CREB5: variants seen among roughly 807,000 people sequenced by gnomAD.
CREB5 encodes cAMP responsive element binding protein 5.
CREB5 carries 19 observed loss-of-function variants against 57.1 expected under a neutral mutation model. That is an observed-to-expected ratio of 0.33 (90% CI 0.23 to 0.49). The LOEUF (loss-of-function observed/expected upper bound fraction) is 0.49, where lower values mean the gene tolerates loss of function less well. Among genes scored for constraint, CREB5 ranks in the 20% least tolerant of loss-of-function variants. The pLI, the probability that CREB5 is intolerant of heterozygous loss-of-function variation, is 0.99. For missense variants in CREB5, 579 were observed against 671.6 expected (o/e 0.86, Z 1.52); for synonymous variants, 238 against 238.3 (o/e 1.00, Z 0.01).
chr7:28,560,929 C>CGTGCGCGT (rs1562797931), intron 4 of CREB5, among the ~76,000 whole-genome samples: 16 of 30,432 alleles, frequency 5.3e-4, no homozygotes, highest in African/African-American at 1.4e-3. Context: ...TGTGCGCGTG[C>CGTGCGCGT]GTGTGTGCGT....
chr7:28,607,726 C>G (rs566650120), intron 5 of CREB5, among the ~76,000 whole-genome samples: 209 of 147,868 alleles, frequency 1.4e-3, no homozygotes, highest in Middle Eastern at 0.011. Context: ...AAGACCAGTG[C>G]CCACAGGGCT....
intron 4 of CREB5, among the ~76,000 whole-genome samples, chr7:28,533,243 G>A (rs771184513): frequency 3.3e-5 from 5 of 152,086 alleles, no homozygotes; most frequent in African/African-American, 4.8e-5. Flanking sequence ...TTAAGGAAAC[G>A]GGAAGTCAAA....
chr7:28,675,373 A>G (rs533000576), intron 5 of CREB5, among the ~76,000 whole-genome samples: 14 of 152,342 alleles, frequency 9.2e-5, no homozygotes, highest in Non-Finnish European at 2.9e-5. Flanking sequence ...AGCCCCCAGC[A>G]TCTTTTGTCC....
At chr7:28,533,389 G>T (rs1163304422) in intron 4 of CREB5, among the ~76,000 whole-genome samples, 1 of 152,158 alleles carries the variant, frequency 6.6e-6, no homozygotes. Context: ...CGCATAACTT[G>T]TTCCGGGCCA....
chr7:28,692,025 A>AAC (rs1554286558), intron 5 of CREB5, among the ~76,000 whole-genome samples: 56 of 151,082 alleles, frequency 3.7e-4, no homozygotes, highest in African/African-American at 1.4e-3. Context: ...AAAAAAAAAA[A>AAC]AAAACAACAA....
chr7:28,497,937 T>C (rs1209885304), intron 3 of CREB5, among the ~76,000 whole-genome samples: 1 of 152,244 alleles, frequency 6.6e-6, no homozygotes, highest in Non-Finnish European at 1.5e-5. Context: ...GAGAATACTT[T>C]TATTAAAACT....
chr7:28,368,587 C>G (rs1331979582), intron 1 of CREB5, among the ~76,000 whole-genome samples: 1 of 152,156 alleles, frequency 6.6e-6, no homozygotes, highest in Non-Finnish European at 1.5e-5. Context: ...GGGCCTTGTT[C>G]TTGCTGTGCG....
chr7:28,352,976 T>C (rs200013698), intron 1 of CREB5, among the ~76,000 whole-genome samples: 1 of 152,244 alleles, frequency 6.6e-6, no homozygotes, highest in African/African-American at 2.4e-5. Flanking sequence ...TACCTCTTAA[T>C]AGGACCCTGG....
In CREB5 at chr7:28,610,507, A is replaced by G. The variant is rs1041084130; in HGVS notation, c.464+39970A>G. On this transcript the variant is annotated intron_variant, in intron 5 of 10. Coordinates refer to ENST00000357727, the MANE Select transcript of CREB5 (RefSeq NM_182898.4). ...AAAGGGGAAAATTTACTGCCTAAAC[A>G]GAGGGACCTAAATCCCCCAGGCTAA... Among the ~76,000 whole-genome samples the G allele has an allele frequency of 3.3e-5, 5 of 152,326 alleles. No homozygotes were observed. The East Asian group carries it at 7.7e-4, about 23-fold the overall frequency.
chr7:28,572,319 C>G (rs55991100), intron 5 of CREB5, among the ~76,000 whole-genome samples: 16,025 of 152,256 alleles, frequency 0.11, 1,134 homozygotes, highest in Middle Eastern at 0.22. Flanking sequence ...TGGTAAGTGT[C>G]TCTGCTAAAG....
rs565477098 is a variant in CREB5, at chr7:28,713,455, C to G, written c.465-5298C>G. Among the ~76,000 whole-genome samples, 4 of 152,296 alleles carry G rather than the reference C, an allele frequency of 2.6e-5. No individual in the cohort carries two copies. In the South Asian group the frequency reaches 8.3e-4, roughly 32 times the overall value. ...CCGTGGAATATAAAGCCTTTTTAAT[C>G]AACTTCTCTTAATTTTTAGGAACAC... On this transcript the variant is annotated intron_variant, in intron 5 of 10. Coordinates refer to ENST00000357727, the MANE Select transcript of CREB5 (RefSeq NM_182898.4).
intron 4 of CREB5, among the ~76,000 whole-genome samples, chr7:28,537,690 A>G (rs1583594987): frequency 2.0e-5 from 3 of 152,364 alleles, no homozygotes; most frequent in African/African-American, 4.8e-5. Context: ...CCCAAAATTC[A>G]TAACCGATTT....
chr7:28,362,409 CAT>C (rs1289227281), intron 1 of CREB5, among the ~76,000 whole-genome samples: 4 of 152,118 alleles, frequency 2.6e-5, no homozygotes, highest in Non-Finnish European at 2.9e-5. Flanking sequence ...TAAGAAATCA[CAT>C]GTGTTTAGTG....
At chr7:28,359,908 G>T (rs957206584) in intron 1 of CREB5, among the ~76,000 whole-genome samples, 3 of 152,060 alleles carry the variant, frequency 2.0e-5, no homozygotes, top group Admixed American at 2.0e-4. Flanking sequence ...TAAAAAATAG[G>T]CAAAGGCCCT....
chr7:28,385,888 G>T (rs1787082427), intron 1 of CREB5, among the ~76,000 whole-genome samples: 1 of 152,066 alleles, frequency 6.6e-6, no homozygotes, highest in Non-Finnish European at 1.5e-5. Context: ...GTCACAGCCT[G>T]GGAGTGAACC....
rs563159121 is a variant in CREB5, at chr7:28,739,804, C to T, written c.702+15472C>T. Among the ~76,000 whole-genome samples, 98 of 152,218 alleles carry T rather than the reference C, an allele frequency of 6.4e-4. 1 individual carries two copies. Among genetic ancestry groups the T allele is most frequent in the African/African-American group, 2.3e-3 (96 of 41,498 alleles). ...TCAGACAGGGCAGTGGCATTAAATT[C>T]CTTACCTTGGTTAAAAAAAGAAACA... On this transcript the variant is annotated intron_variant, in intron 7 of 10. Coordinates refer to ENST00000357727, the MANE Select transcript of CREB5 (RefSeq NM_182898.4).
chr7:28,746,654 T>G (rs1021733257), intron 7 of CREB5, among the ~76,000 whole-genome samples: 1 of 152,206 alleles, frequency 6.6e-6, no homozygotes, highest in Non-Finnish European at 1.5e-5. Flanking sequence ...AGGCGATGGT[T>G]TCTTCCTATC....
intron 1 of CREB5, among the ~76,000 whole-genome samples, chr7:28,455,891 A>G (rs931420301): frequency 1.3e-5 from 2 of 152,164 alleles, no homozygotes; most frequent in South Asian, 4.1e-4. Context: ...GTGGGTAGAG[A>G]TCTGCATGCA....
chr7:28,344,419 C>T (rs1193913387), intron 1 of CREB5, among the ~76,000 whole-genome samples: 3 of 152,150 alleles, frequency 2.0e-5, no homozygotes, highest in Non-Finnish European at 4.4e-5. Context: ...CTTTCCCCAG[C>T]ATGTGTTCTT....
Sources: gnomAD v4.1 joint callset for allele counts (sites outside exome capture counted in the v4.1 genomes callset) on GRCh38, gnomAD v4.1.1 for gene constraint, MANE v1.5 for transcripts, NCBI Gene and HGNC (gene_info 2026-07-23, HGNC 2026-07-21) for gene names.